Variants in SOCS6 observed in about 807,000 individuals in gnomAD.
The protein encoded by SOCS6 is STAT induced STAT inhibitor-4.
SOCS6 carries 5 observed loss-of-function variants against 27.7 expected under a neutral mutation model. The observed-to-expected ratio is 0.18, with a 90% confidence interval of 0.09 to 0.38. SOCS6 has a LOEUF of 0.38. Ranked by LOEUF, SOCS6 falls within the 10% of genes least tolerant of loss-of-function variation. SOCS6 has a pLI of 1.00. For missense variants in SOCS6, 595 were observed against 688.1 expected (o/e 0.86, Z 1.51); for synonymous variants, 271 against 260.0 (o/e 1.04, Z -0.41).
chr18:70,312,451 T>G (rs976579719), intron 1 of SOCS6, among the ~76,000 whole-genome samples: 10 of 152,216 alleles, frequency 6.6e-5, no homozygotes, highest in Non-Finnish European at 1.5e-4. Flanking sequence ...TCAATTTAAA[T>G]TTTTGATAAA....
At chr18:70,301,731 C>G (rs540990562) in intron 1 of SOCS6, among the ~76,000 whole-genome samples, 44 of 152,212 alleles carry the variant, frequency 2.9e-4, no homozygotes, top group Non-Finnish European at 5.4e-4. Context: ...AAGAGGGGAC[C>G]AAAGTCTTGA....
chr18:70,325,187 G>A lies in SOCS6; in HGVS notation c.519G>A (p.Lys173=). Residue 173 remains lysine, a synonymous_variant, in exon 2 of 2, where the codon AAG becomes AAA. Coordinates refer to ENST00000397942, the MANE Select transcript of SOCS6 (RefSeq NM_004232.4). The surrounding 1 kb of genome is among the most constrained non-coding windows in gnomAD (Gnocchi z 6.3). ...GTCCAGCCCTGAATGGCGTCCGGAA[G>A]GATTTCCACGACCTCCAGTCTGAGA... ...SPSPALNGVR[K]DFHDLQSETT... is the part of the protein sequence containing the mutation. 1 of 1,614,150 alleles carries A rather than the reference G, an allele frequency of 6.2e-7. No individual in the cohort carries two copies. The highest frequency in any genetic ancestry group is 2.2e-5 in the East Asian group (1 of 44,884).
chr18:70,294,370 G>T (rs1171156595), intron 1 of SOCS6, among the ~76,000 whole-genome samples: 1 of 151,852 alleles, frequency 6.6e-6, no homozygotes, highest in Non-Finnish European at 1.5e-5. Context: ...GTTCTTTGGA[G>T]GGGAGTTCCC....
intron 1 of SOCS6, among the ~76,000 whole-genome samples, chr18:70,290,628 G>C (rs1038141165): frequency 6.6e-6 from 1 of 152,140 alleles, no homozygotes; most frequent in Non-Finnish European, 1.5e-5. Context: ...CTGCCTTGGT[G>C]CCTTGGAGGA....
At chr18:70,291,918 G>T (rs1322238070) in intron 1 of SOCS6, among the ~76,000 whole-genome samples, 1 of 152,174 alleles carries the variant, frequency 6.6e-6, no homozygotes, top group African/African-American at 2.4e-5. Context: ...GAGGAACAAC[G>T]TAAGATGTGT....
At chr18:70,313,357 A>T (rs543380590) in intron 1 of SOCS6, among the ~76,000 whole-genome samples, 2 of 151,880 alleles carry the variant, frequency 1.3e-5, no homozygotes, top group African/African-American at 2.4e-5. Flanking sequence ...TGCTTTCTTT[A>T]TGCCATTTTT....
At chr18:70,323,017 C>G (rs1240382445) in intron 1 of SOCS6, among the ~76,000 whole-genome samples, 1 of 152,220 alleles carries the variant, frequency 6.6e-6, no homozygotes, top group Non-Finnish European at 1.5e-5. Context: ...ATTCATCAAT[C>G]TGTGTATTGC....
At chr18:70,298,784 T>C (rs1340607277) in intron 1 of SOCS6, among the ~76,000 whole-genome samples, 1 of 152,206 alleles carries the variant, frequency 6.6e-6, no homozygotes, top group East Asian at 1.9e-4. Context: ...CTGATTTATT[T>C]CTTGTGATGT....
At chr18:70,314,112 C>T (rs554583847) in intron 1 of SOCS6, 4 of 152,064 alleles carry the variant, frequency 2.6e-5, no homozygotes, top group East Asian at 1.9e-4. Context: ...AAAAATTAGC[C>T]GGGTGTGGTG....
At chr18:70,292,227 C>T (rs187906502) in intron 1 of SOCS6, among the ~76,000 whole-genome samples, 7 of 152,354 alleles carry the variant, frequency 4.6e-5, no homozygotes, top group South Asian at 4.1e-4. Context: ...TCCATTTACC[C>T]GCTCTGTCAC....
intron 1 of SOCS6, among the ~76,000 whole-genome samples, chr18:70,304,212 A>G (rs1349673441): frequency 2.7e-5 from 4 of 148,808 alleles, no homozygotes; most frequent in Admixed American, 1.4e-4. Context: ...TAAAAAGTCA[A>G]GATACAAGGT....
intron 1 of SOCS6, among the ~76,000 whole-genome samples, chr18:70,293,710 AG>A (rs2062310376): frequency 6.6e-6 from 1 of 152,026 alleles, no homozygotes; most frequent in Non-Finnish European, 1.5e-5. Flanking sequence ...TCAATTTTAT[AG>A]GGTAGATTAA....
intron 1 of SOCS6, among the ~76,000 whole-genome samples, chr18:70,294,183 G>C (rs928683723): frequency 6.6e-6 from 1 of 151,900 alleles, no homozygotes; most frequent in Non-Finnish European, 1.5e-5. Context: ...TTTAACACTA[G>C]TATTCTACTC....
At chr18:70,293,214 C>A (rs1187738996) in intron 1 of SOCS6, among the ~76,000 whole-genome samples, 1 of 152,174 alleles carries the variant, frequency 6.6e-6, no homozygotes, top group Non-Finnish European at 1.5e-5. Context: ...CAGAGATGTG[C>A]TGTGTACATG....
At position 70,324,986 on chromosome 18, in the gene SOCS6, C is replaced by T. The variant is rs1232900580; in HGVS notation, c.318C>T (p.Ser106=). 50 of 1,613,452 alleles carry T rather than the reference C, an allele frequency of 3.1e-5. No homozygotes were observed. Among genetic ancestry groups the T allele is most frequent in the Non-Finnish European group, 4.0e-5 (47 of 1,179,824 alleles). The change falls in exon 2 of 2, where the codon TCC becomes TCT. Residue 106 remains serine (S), a synonymous_variant. Transcript: ENST00000397942. The part of the protein sequence containing the change: ...GSSADEDTFS[S]SSAPIVFKDV... Reference sequence around the variant, plus strand: ...CTGCCGACGAGGACACCTTCTCCTCCTCCTCAGCACCCATAGTCTTTAAAG... The same window carrying T: ...CTGCCGACGAGGACACCTTCTCCTCTTCCTCAGCACCCATAGTCTTTAAAG...
chr18:70,300,714 A>G (rs1244654779), intron 1 of SOCS6, among the ~76,000 whole-genome samples: 1 of 152,192 alleles, frequency 6.6e-6, no homozygotes, highest in Non-Finnish European at 1.5e-5. Flanking sequence ...CTGCAAATTT[A>G]AGCTAGTGCT....
rs771981263 is a variant in SOCS6 at position 70,324,734 on chromosome 18, T to C, written c.66T>C (p.Thr22=). The change falls in exon 2 of 2, where the codon ACT becomes ACC. Residue 22 remains threonine (T), a synonymous_variant. Coordinates refer to ENST00000397942, the MANE Select transcript of SOCS6 (RefSeq NM_004232.4). ...SFNLNKSKEE[T]DFMVVQQPSL... ...ACTTGAATAAAAGTAAAGAAGAAACTGATTTCATGGTAGTACAACAACCAT... is the reference window on the plus strand; with the variant it reads ...ACTTGAATAAAAGTAAAGAAGAAACCGATTTCATGGTAGTACAACAACCAT... The C allele has an allele frequency of 1.2e-6, 2 of 1,610,608 alleles. No homozygotes were observed. The highest frequency in any genetic ancestry group is 3.4e-5 in the Admixed American group (2 of 59,630).
intron 1 of SOCS6, among the ~76,000 whole-genome samples, chr18:70,319,609 A>G: frequency 6.6e-5 from 1 of 15,172 alleles, no homozygotes; most frequent in South Asian, 2.9e-3. Context: ...GCACTTCAGT[A>G]AAAAAAAAAA....
Position 70,324,549 on chromosome 18 carries a change from G to T in SOCS6, c.-120G>T, listed in dbSNP as rs1483415428. 6.2e-6 allele frequency: 4 copies of T among 645,664 alleles called. No individual in the cohort carries two copies. The highest frequency in any genetic ancestry group is 1.0e-5 in the Non-Finnish European group (4 of 384,166). 40.0% of individuals were successfully genotyped at this position (645,664 alleles called of 1,614,324 possible). On this transcript the variant is annotated 5_prime_UTR_variant, in exon 2 of 2. Coordinates refer to ENST00000397942, the MANE Select transcript of SOCS6 (RefSeq NM_004232.4). ...TTATATTTTTATTTTTTAGAAAATG[G>T]CTCCAAAGGTTAAATGAAGCAGGAA...
Sources: gnomAD v4.1 joint callset for allele counts (sites outside exome capture counted in the v4.1 genomes callset) on GRCh38, gnomAD v4.1.1 for gene constraint, Gnocchi (gnomAD v3.1) non-coding constraint, MANE v1.5 for transcripts, NCBI Gene and HGNC (gene_info 2026-07-23, HGNC 2026-07-21) for gene names.